RNF4: variants seen among roughly 807,000 people sequenced by gnomAD.
The protein encoded by RNF4 is ring finger protein 4.
Under a neutral mutation model 24.3 loss-of-function variants are expected in RNF4, and 7 were observed. That is an observed-to-expected ratio of 0.29 (90% CI 0.16 to 0.54). RNF4 has a LOEUF of 0.54. Among genes scored for constraint, RNF4 ranks in the 20% least tolerant of loss-of-function variants. The probability of loss-of-function intolerance (pLI) is 0.95; values close to 1 mark genes in which losing one functional copy is unlikely to be tolerated. For synonymous variants in RNF4, 83 were observed against 84.3 expected (o/e 0.98, Z 0.09); for missense variants, 209 against 248.5 (o/e 0.84, Z 1.07).
chr4:2,494,085 C>T lies in RNF4; in HGVS notation c.10-2922C>T, dbSNP rs555843544. Among the ~76,000 whole-genome samples, 35 of 151,676 alleles carry T rather than the reference C, an allele frequency of 2.3e-4. No individual in the cohort carries two copies. The South Asian group carries it at 6.3e-3, about 27-fold the overall frequency. The stretch of plus-strand genomic sequence containing the variant: ...CTTGAACTCCTGACCTCGTGATCCA[C>T]GAGAATGGGGTAAATATTAAAGAGT... On this transcript the variant is annotated intron_variant, in intron 2 of 7. Coordinates refer to ENST00000314289, the MANE Select transcript of RNF4 (RefSeq NM_002938.5).
At chr4:2,485,111 C>T (rs1372672690) in intron 1 of RNF4, among the ~76,000 whole-genome samples, 1 of 152,124 alleles carries the variant, frequency 6.6e-6, no homozygotes, top group Non-Finnish European at 1.5e-5. Context: ...ACTTGAGGCC[C>T]CATTCAGCAC....
At chr4:2,477,582 TA>T (rs1171333481) in intron 1 of RNF4, among the ~76,000 whole-genome samples, 4 of 151,798 alleles carry the variant, frequency 2.6e-5, no homozygotes, top group Non-Finnish European at 5.9e-5. Flanking sequence ...AGACTTAATC[TA>T]AAAAAACAAA....
intron 4 of RNF4, among the ~76,000 whole-genome samples, chr4:2,506,664 C>T (rs895827555): frequency 6.6e-6 from 1 of 151,706 alleles, no homozygotes; most frequent in Non-Finnish European, 1.5e-5. Flanking sequence ...ACCTTCTGGG[C>T]TCAATTGAGC....
chr4:2,484,531 G>A (rs1005309598), intron 1 of RNF4, among the ~76,000 whole-genome samples: 1 of 151,968 alleles, frequency 6.6e-6, no homozygotes, highest in Non-Finnish European at 1.5e-5. Context: ...TTTATTGGGA[G>A]TTAGCCCCAT....
rs1304295084 is a variant in RNF4 at position 2,514,612 on chromosome 4, C to A, written c.*793C>A. 6.5e-6 allele frequency: 1 copy of A among 152,848 alleles called. No homozygotes were observed. Among genetic ancestry groups the A allele is most frequent in the South Asian group, 2.1e-4 (1 of 4,826 alleles). 9.5% of individuals were successfully genotyped at this position (152,848 alleles called of 1,614,324 possible). A position where few individuals can be genotyped will look rare whatever the true frequency, so the allele number is the denominator to read the frequency against. On this transcript the variant is annotated 3_prime_UTR_variant, in exon 8 of 8. Coordinates refer to ENST00000314289, the MANE Select transcript of RNF4 (RefSeq NM_002938.5). Reference sequence around the variant, plus strand: ...CCAGCGTCCTTCACCTGGCACAGGACATGCAAGATAAATAGGGCAGGCACG... The same window carrying A: ...CCAGCGTCCTTCACCTGGCACAGGAAATGCAAGATAAATAGGGCAGGCACG...
chr4:2,493,999 C>T (rs557722619), intron 2 of RNF4, among the ~76,000 whole-genome samples: 20 of 151,712 alleles, frequency 1.3e-4, no homozygotes, highest in African/African-American at 4.6e-4. Context: ...CATGCCACCA[C>T]GCCCAGCTAC....
At chr4:2,476,372 A>G (rs1735071611) in intron 1 of RNF4, among the ~76,000 whole-genome samples, 1 of 152,068 alleles carries the variant, frequency 6.6e-6, no homozygotes, top group African/African-American at 2.4e-5. Context: ...CTATTCTCCC[A>G]TCATGATCAT....
chr4:2,476,565 T>TG (rs574007808), intron 1 of RNF4, among the ~76,000 whole-genome samples: 38 of 152,232 alleles, frequency 2.5e-4, no homozygotes, highest in Non-Finnish European at 5.1e-4. Context: ...GCTAATTTTT[T>TG]GTATCTTTAC....
chr4:2,513,129 G>A lies in RNF4; in HGVS notation c.421G>A (p.Glu141Lys). Residue 141 changes from glutamate to lysine, a missense_variant and splice_region_variant, in exon 7 of 8, where the codon GAG becomes AAG. Physicochemically the swap from Glu to Lys is moderately conservative, Grantham distance 56. Transcript: ENST00000314289. ...SCPICMDGYS[E>K]IVQNGRLIVS... ...TCCCATCTGCATGGACGGATACTCA[G>A]AGGTAAGTAAACCAAGCTGTATCTT... 1 of 1,613,700 alleles carries A rather than the reference G, an allele frequency of 6.2e-7. No individual in the cohort carries two copies. Among genetic ancestry groups the A allele is most frequent in the South Asian group, 1.1e-5 (1 of 91,088 alleles).
At chr4:2,484,066 A>G (rs1352239254) in intron 1 of RNF4, among the ~76,000 whole-genome samples, 1 of 490 alleles carries the variant, frequency 2.0e-3, no homozygotes, top group Non-Finnish European at 4.7e-3. Flanking sequence ...GCCTCAGGTG[A>G]TCCCCCCCCG....
At chr4:2,513,156 C>G (rs766178455) in intron 7 of RNF4, 25 bp downstream of exon 7, 102 of 1,609,386 alleles carry the variant, frequency 6.3e-5, no homozygotes, top group Non-Finnish European at 2.6e-6. Flanking sequence ...CTGTATCTTC[C>G]AGGCTTCTGG....
At chr4:2,501,811 TG>T (rs1382439056) in intron 4 of RNF4, among the ~76,000 whole-genome samples, 1 of 152,204 alleles carries the variant, frequency 6.6e-6, no homozygotes, top group Non-Finnish European at 1.5e-5. Flanking sequence ...CCTGTTTGGC[TG>T]ATGCCTGGGT....
intron 3 of RNF4, chr4:2,499,514 G>T (rs1186617293): frequency 7.2e-6 from 2 of 277,648 alleles, no homozygotes; most frequent in South Asian, 2.8e-5. Flanking sequence ...AACCTCAGGT[G>T]ATCCGCCCAC....
chr4:2,478,857 A>T (rs1473982947), intron 1 of RNF4, among the ~76,000 whole-genome samples: 1 of 152,200 alleles, frequency 6.6e-6, no homozygotes, highest in East Asian at 1.9e-4. Context: ...GAGCTGTGGG[A>T]AGAGGGCCAC....
intron 4 of RNF4, chr4:2,505,164 C>T (rs900673117): frequency 6.6e-6 from 1 of 152,138 alleles, no homozygotes; most frequent in Non-Finnish European, 1.5e-5. Flanking sequence ...AAGCTCCCTA[C>T]GTTTTCCCAA....
intron 2 of RNF4, among the ~76,000 whole-genome samples, chr4:2,494,237 C>T (rs916099503): frequency 1.3e-4 from 20 of 152,066 alleles, no homozygotes; most frequent in African/African-American, 4.8e-4. Flanking sequence ...AGTTGTTTTG[C>T]CATGAGAATA....
At chr4:2,474,323 A>G (rs1735002486) in intron 1 of RNF4, among the ~76,000 whole-genome samples, 1 of 150,916 alleles carries the variant, frequency 6.6e-6, no homozygotes, top group Non-Finnish European at 1.5e-5. Context: ...GGTTGCAGCG[A>G]GCCGAAATCA....
chr4:2,495,444 A>G (rs1735703873), intron 2 of RNF4, among the ~76,000 whole-genome samples: 1 of 152,146 alleles, frequency 6.6e-6, no homozygotes, highest in Admixed American at 6.6e-5. Context: ...GCAGTACTTT[A>G]CATACATGAT....
intron 4 of RNF4, among the ~76,000 whole-genome samples, chr4:2,502,798 C>T (rs1404896497): frequency 2.7e-5 from 4 of 150,828 alleles, no homozygotes; most frequent in African/African-American, 4.9e-5. Context: ...GAGCCAAGAT[C>T]GCGCCACTGC....
Sources: gnomAD v4.1 joint callset for allele counts (sites outside exome capture counted in the v4.1 genomes callset) on GRCh38, gnomAD v4.1.1 for gene constraint, MANE v1.5 for transcripts, NCBI Gene and HGNC (gene_info 2026-07-23, HGNC 2026-07-21) for gene names.